ERBB4: variants seen among roughly 807,000 people sequenced by gnomAD.
ERBB4 encodes erb-b2 receptor tyrosine kinase 4.
ERBB4 carries 42 observed loss-of-function variants against 158.0 expected under a neutral mutation model. The observed-to-expected ratio is 0.27, with a 90% CI of 0.21 to 0.34. The LOEUF (loss-of-function observed/expected upper bound fraction) is 0.34, where lower values mean the gene tolerates loss of function less well. ERBB4 is among the 10% of genes least tolerant of loss of function. The pLI is 1.00. For missense variants in ERBB4, 1,333 were observed against 1,624.1 expected, an observed-to-expected ratio of 0.82 and a Z score of 3.08; for synonymous variants, 583 against 558.7, an observed-to-expected ratio of 1.04 and a Z score of -0.61.
chr2:211,394,933 G>C (rs1277447775), intron 25 of ERBB4, among the ~76,000 whole-genome samples: 1 of 151,874 alleles, frequency 6.6e-6, no homozygotes, highest in Non-Finnish European at 1.5e-5. Context: ...TTAGTTTCTT[G>C]GTCTTTTAGT....
chr2:211,453,617 C>T (rs1195341916), intron 20 of ERBB4, among the ~76,000 whole-genome samples: 1 of 152,118 alleles, frequency 6.6e-6, no homozygotes, highest in Non-Finnish European at 1.5e-5. Flanking sequence ...CATTTCATAG[C>T]ATTAGAGTGC....
At chr2:212,246,527 T>C (rs1012948349) in intron 1 of ERBB4, among the ~76,000 whole-genome samples, 1 of 152,204 alleles carries the variant, frequency 6.6e-6, no homozygotes, top group East Asian at 1.9e-4. Flanking sequence ...ATGAATATGA[T>C]GTAATCAAGT....
intron 25 of ERBB4, among the ~76,000 whole-genome samples, chr2:211,406,317 T>C (rs1449645672): frequency 6.6e-6 from 1 of 152,206 alleles, no homozygotes; most frequent in Non-Finnish European, 1.5e-5. Context: ...TAAATAAATG[T>C]TTGATGAATG....
chr2:211,379,617 ATAATAT>A lies in ERBB4; in HGVS notation c.*3992_*3997del. 4.3e-6 allele frequency: 1 copy of A among 231,524 alleles called. No individual in the cohort carries two copies. Among genetic ancestry groups the A allele is most frequent in the East Asian group, 6.1e-5 (1 of 16,282 alleles). 14.3% of individuals were successfully genotyped at this position (231,524 alleles called of 1,614,324 possible). On this transcript the variant is annotated 3_prime_UTR_variant, in exon 28 of 28. Coordinates refer to ENST00000342788, the MANE Select transcript of ERBB4 (RefSeq NM_005235.3). ...TTAGTTTTCTAGTTTGATTTATTTA[ATAATAT>A]TAAAATCATTTAACATCTGATAACC...
At chr2:211,764,505 T>C (rs995511805) in intron 4 of ERBB4, among the ~76,000 whole-genome samples, 2 of 152,212 alleles carry the variant, frequency 1.3e-5, no homozygotes, top group Admixed American at 6.6e-5. Context: ...AATTTTATTA[T>C]GTACAAGGCA....
chr2:211,448,503 G>C (rs2064167440), intron 20 of ERBB4, among the ~76,000 whole-genome samples: 1 of 149,774 alleles, frequency 6.7e-6, no homozygotes, highest in Non-Finnish European at 1.5e-5. Context: ...ATTACACACA[G>C]AGATAATGCA....
intron 1 of ERBB4, among the ~76,000 whole-genome samples, chr2:212,533,013 C>A (rs1228383553): frequency 6.6e-6 from 1 of 152,110 alleles, no homozygotes; most frequent in Non-Finnish European, 1.5e-5. Flanking sequence ...GGCCTTAAAT[C>A]TTGATTACAG....
intron 17 of ERBB4, among the ~76,000 whole-genome samples, chr2:211,627,112 C>A (rs2069889839): frequency 6.6e-6 from 1 of 152,156 alleles, no homozygotes; most frequent in African/African-American, 2.4e-5. Context: ...AATTTCTCTT[C>A]CATTCTGCAG....
At chr2:211,906,320 G>A (rs1473097098) in intron 3 of ERBB4, among the ~76,000 whole-genome samples, 1 of 152,056 alleles carries the variant, frequency 6.6e-6, no homozygotes, top group Non-Finnish European at 1.5e-5. Flanking sequence ...AATAAAAAAG[G>A]AAAATAATTC....
At chr2:211,872,264 A>G (rs1453271570) in intron 3 of ERBB4, among the ~76,000 whole-genome samples, 1 of 152,166 alleles carries the variant, frequency 6.6e-6, no homozygotes, top group Non-Finnish European at 1.5e-5. Context: ...TTTCCACATC[A>G]CAAATTACAA....
intron 5 of ERBB4, among the ~76,000 whole-genome samples, chr2:211,746,691 G>A (rs190337691): frequency 1.2e-4 from 19 of 152,120 alleles, no homozygotes; most frequent in Admixed American, 7.2e-4. Context: ...TTAGCCAGGC[G>A]TGGTGGCACA....
intron 1 of ERBB4, among the ~76,000 whole-genome samples, chr2:212,191,957 GTTATATA>G (rs1239485203): frequency 9.3e-6 from 1 of 107,594 alleles, no homozygotes; most frequent in African/African-American, 3.8e-5. Flanking sequence ...TGTTATATAT[GTTATATA>G]TGTTATATGT....
chr2:211,499,506 A>C (rs2065562412), intron 20 of ERBB4, among the ~76,000 whole-genome samples: 1 of 152,068 alleles, frequency 6.6e-6, no homozygotes, highest in South Asian at 2.1e-4. Context: ...CTGGCAACAG[A>C]GCGAGACTCT....
At chr2:211,427,261 CTTAAGT>C (rs1222703981) in intron 22 of ERBB4, among the ~76,000 whole-genome samples, 2 of 151,582 alleles carry the variant, frequency 1.3e-5, no homozygotes, top group African/African-American at 2.4e-5. Context: ...TTTTTTTAAG[CTTAAGT>C]TTGAGTAACA....
At chr2:212,090,979 G>C (rs529050279) in intron 2 of ERBB4, among the ~76,000 whole-genome samples, 17 of 151,986 alleles carry the variant, frequency 1.1e-4, no homozygotes, top group African/African-American at 4.1e-4. Context: ...CGTTGTGTTG[G>C]TCACCTCACC....
intron 1 of ERBB4, among the ~76,000 whole-genome samples, chr2:212,268,048 C>G (rs1294353564): frequency 6.6e-6 from 1 of 151,736 alleles, no homozygotes; most frequent in Non-Finnish European, 1.5e-5. Context: ...TAAACATCAC[C>G]ACTATATCAA....
intron 20 of ERBB4, among the ~76,000 whole-genome samples, chr2:211,459,365 T>A (rs2064468563): frequency 6.6e-6 from 1 of 152,164 alleles, no homozygotes; most frequent in African/African-American, 2.4e-5. Context: ...AAAGTGGTAA[T>A]CCCACAACTC....
At chr2:211,992,569 A>AGAGAGAG (rs1421252908) in intron 2 of ERBB4, among the ~76,000 whole-genome samples, 2 of 113,008 alleles carry the variant, frequency 1.8e-5, no homozygotes, top group African/African-American at 5.5e-5. Context: ...GAGAGAGAGA[A>AGAGAGAG]AAAAAAAAAA....
intron 20 of ERBB4, among the ~76,000 whole-genome samples, chr2:211,446,245 AAAG>A (rs1169292989): frequency 1.3e-5 from 2 of 152,168 alleles, no homozygotes; most frequent in African/African-American, 4.8e-5. Flanking sequence ...AAAGATTGCC[AAAG>A]AATACTGAGG....
Sources: allele counts gnomAD v4.1 joint callset (sites outside exome capture counted in the v4.1 genomes callset), GRCh38; gene constraint gnomAD v4.1.1; transcripts MANE v1.5; gene names NCBI Gene and HGNC (gene_info 2026-07-23, HGNC 2026-07-21).